The following MTMR12 variants were observed in gnomAD, a reference collection of about 807,000 sequenced individuals.
MTMR12 encodes the protein myotubularin-related protein 12.
Under a neutral mutation model 96.7 loss-of-function variants are expected in MTMR12, and 33 were observed. The observed-to-expected ratio is 0.34, with a 90% CI of 0.26 to 0.46. MTMR12 has a LOEUF of 0.46. Among genes scored for constraint, MTMR12 ranks in the 20% least tolerant of loss-of-function variants. The pLI is 1.00. For synonymous variants in MTMR12, 298 were observed against 327.2 expected (o/e 0.91, Z 0.96); for missense variants, 721 against 896.1 (o/e 0.80, Z 2.49).
intron 5 of MTMR12, among the ~76,000 whole-genome samples, chr5:32,269,451 G>A (rs909249700): frequency 2.6e-5 from 4 of 151,816 alleles, no homozygotes; most frequent in East Asian, 1.9e-4. Flanking sequence ...TTATAGGCAT[G>A]CGCCACCACG....
chr5:32,307,774 A>G (rs1751414704), intron 1 of MTMR12, among the ~76,000 whole-genome samples: 1 of 152,204 alleles, frequency 6.6e-6, no homozygotes, highest in Non-Finnish European at 1.5e-5. Flanking sequence ...CGTGTTTAAA[A>G]GCATAATCTT....
intron 6 of MTMR12, among the ~76,000 whole-genome samples, chr5:32,268,384 T>A (rs966118407): frequency 6.6e-6 from 1 of 152,028 alleles, no homozygotes; most frequent in Non-Finnish European, 1.5e-5. Context: ...GGTGGGCACC[T>A]GTAATCCCAG....
chr5:32,273,709 C>T (rs1749933541), intron 3 of MTMR12, among the ~76,000 whole-genome samples: 2 of 150,058 alleles, frequency 1.3e-5, no homozygotes, highest in Admixed American at 6.6e-5. Flanking sequence ...GGACTCCGTC[C>T]TTTGTGTGTA....
rs897556061 is a variant in MTMR12, at chr5:32,233,203, T to C, written c.1674+570A>G. 3.3e-5 allele frequency among the ~76,000 whole-genome samples: 5 copies of C among 150,430 alleles called. No homozygotes were observed. The highest frequency in any genetic ancestry group is 7.4e-5 in the Non-Finnish European group (5 of 67,708). ...CAGCTATGCCTACTTGTTCACCTAC[T>C]AAGGCTCCTTTTTTTTTTTTCAAGT... is the stretch of plus-strand genomic sequence containing the variant. On this transcript the variant is annotated intron_variant, in intron 15 of 15. Transcript: ENST00000382142. The surrounding 1 kb of genome is among the most constrained non-coding windows in gnomAD (Gnocchi z 5.0).
rs1443533295 is a variant in MTMR12 at position 32,230,241 on chromosome 5, C to G, written c.1781G>C (p.Arg594Thr). 1.2e-6 allele frequency: 2 copies of G among 1,614,202 alleles called. No individual in the cohort carries two copies. Among genetic ancestry groups the G allele is most frequent in the African/African-American group, 2.7e-5 (2 of 75,038 alleles). The change falls in exon 16 of 16, where the codon AGA becomes ACA. Residue 594 changes from arginine to threonine, a missense_variant. By Grantham distance (71) the Arg-to-Thr change is moderately conservative. Coordinates refer to ENST00000382142, the MANE Select transcript of MTMR12 (RefSeq NM_001040446.3). ...AGAAGAATTAATAAGTTTGCTAATTCTCTTGCCCAGAAGGTTTTTAATTAA... is the reference window on the plus strand; with the variant it reads ...AGAAGAATTAATAAGTTTGCTAATTGTCTTGCCCAGAAGGTTTTTAATTAA... ...DHLIKNLLGK[R>T]ISKLINSSDE...
intron 13 of MTMR12, among the ~76,000 whole-genome samples, chr5:32,237,058 G>A (rs772388025): frequency 6.6e-6 from 1 of 152,182 alleles, no homozygotes; most frequent in Non-Finnish European, 1.5e-5. Context: ...TGCTCAGTGA[G>A]AGAGACCTGG....
At chr5:32,232,952 T>TA (rs1046945551) in intron 15 of MTMR12, 3 of 984,334 alleles carry the variant, frequency 3.0e-6, no homozygotes, top group Non-Finnish European at 3.6e-6. Context: ...CACATCGACT[T>TA]AGACTTACCA....
At chr5:32,302,055 C>T (rs1175476131) in intron 1 of MTMR12, among the ~76,000 whole-genome samples, 1 of 152,208 alleles carries the variant, frequency 6.6e-6, no homozygotes, top group East Asian at 1.9e-4. Flanking sequence ...GTGGCCAGGG[C>T]TTCCCTTGCC....
intron 8 of MTMR12, among the ~76,000 whole-genome samples, chr5:32,254,296 C>A (rs1749058854): frequency 6.6e-6 from 1 of 152,110 alleles, no homozygotes; most frequent in Admixed American, 6.5e-5. Context: ...GTCATATGTA[C>A]CGTGGTGACT....
At chr5:32,274,526 C>T (rs1199640529) in intron 2 of MTMR12, among the ~76,000 whole-genome samples, 8 of 152,086 alleles carry the variant, frequency 5.3e-5, no homozygotes, top group Admixed American at 5.2e-4. Context: ...CCCAGTCTGC[C>T]CTAAAAAAAC....
intron 8 of MTMR12, among the ~76,000 whole-genome samples, chr5:32,249,416 C>G (rs547289371): frequency 6.6e-6 from 1 of 152,184 alleles, no homozygotes; most frequent in South Asian, 2.1e-4. Context: ...TAGAGAAAAT[C>G]CACACTAGGA....
At chr5:32,235,912 G>C (rs547300183) in intron 13 of MTMR12, among the ~76,000 whole-genome samples, 36 of 152,268 alleles carry the variant, frequency 2.4e-4, no homozygotes, top group African/African-American at 8.7e-4. Flanking sequence ...CCCTTACAAA[G>C]GAGGAAAGGG....
chr5:32,284,267 A>G (rs1750431308), intron 1 of MTMR12, among the ~76,000 whole-genome samples: 1 of 147,218 alleles, frequency 6.8e-6, no homozygotes, highest in African/African-American at 2.5e-5. Flanking sequence ...GCAGTGAGCT[A>G]TGATTGCACC....
intron 1 of MTMR12, among the ~76,000 whole-genome samples, chr5:32,304,800 C>A (rs1406272786): frequency 2.0e-5 from 3 of 152,160 alleles, no homozygotes; most frequent in South Asian, 4.1e-4. Flanking sequence ...CTTGACAGAG[C>A]CTCATGATGC....
At chr5:32,259,601 T>C (rs574624577) in intron 7 of MTMR12, among the ~76,000 whole-genome samples, 2 of 152,326 alleles carry the variant, frequency 1.3e-5, no homozygotes, top group Admixed American at 1.3e-4. Flanking sequence ...GAGCTGTAGG[T>C]TGCAGAAACT....
rs1044907285 is a variant in MTMR12 at position 32,273,973 on chromosome 5, T to C, written c.285+7A>G. On this transcript the variant is annotated splice_region_variant and intron_variant, in intron 3 of 15. Transcript: ENST00000382142. Reference sequence around the variant, plus strand: ...CACAAACTCTGCCAAATGCAGCCCATACATACATCATTATCCAATGCAGAT... The same window carrying C: ...CACAAACTCTGCCAAATGCAGCCCACACATACATCATTATCCAATGCAGAT... The C allele has an allele frequency of 6.2e-7, 1 of 1,613,938 alleles. No individual in the cohort carries two copies. Among genetic ancestry groups the C allele is most frequent in the Non-Finnish European group, 8.5e-7 (1 of 1,179,990 alleles).
At position 32,229,813 on chromosome 5, in the gene MTMR12, GT is replaced by G. The variant is rs757040311; in HGVS notation, c.2208del (p.Lys736AsnfsTer9). ...KALGDEDDLA[K>X]REDEFVDLGD... is the part of the protein sequence containing the mutation. ...CCTAGGTCCACGAACTCATCTTCTCGTTTGGCCAAATCGTCTTCATCTCCCA... is the reference window on the plus strand; with the variant it reads ...CCTAGGTCCACGAACTCATCTTCTCGTTGGCCAAATCGTCTTCATCTCCCA... On this transcript the variant is annotated frameshift_variant, in exon 16 of 16. Coordinates refer to ENST00000382142, the MANE Select transcript of MTMR12 (RefSeq NM_001040446.3). LOFTEE classifies it high-confidence loss of function. 1.3e-6 allele frequency: 2 copies of G among 1,561,120 alleles called. No individual in the cohort carries two copies. The highest frequency in any genetic ancestry group is 1.7e-6 in the Non-Finnish European group (2 of 1,154,586).
intron 2 of MTMR12, among the ~76,000 whole-genome samples, chr5:32,275,236 C>T (rs185847916): frequency 6.0e-4 from 91 of 152,166 alleles, no homozygotes; most frequent in African/African-American, 1.3e-3. Flanking sequence ...AAGGAAATAC[C>T]GGAAGATGGC....
chr5:32,299,375 T>C (rs1751046279), intron 1 of MTMR12, among the ~76,000 whole-genome samples: 1 of 152,072 alleles, frequency 6.6e-6, no homozygotes, highest in South Asian at 2.1e-4. Context: ...ATACTGAAAG[T>C]AAAGATTGTT....
Sources: allele counts gnomAD v4.1 joint callset (sites outside exome capture counted in the v4.1 genomes callset), GRCh38; gene constraint gnomAD v4.1.1; non-coding constraint Gnocchi (gnomAD v3.1); transcripts MANE v1.5; gene names NCBI Gene and HGNC (gene_info 2026-07-23, HGNC 2026-07-21).